STPG2: variants seen among roughly 807,000 people sequenced by gnomAD.
The protein encoded by STPG2 is sperm tail PG-rich repeat containing 2, also known as sperm-tail PG-rich repeat-containing protein 2.
STPG2 carries 56 observed loss-of-function variants against 54.2 expected under a neutral mutation model. The ratio of observed to expected loss-of-function variants is 1.03; its 90% CI spans 0.83 to 1.29. The LOEUF (loss-of-function observed/expected upper bound fraction) is 1.29. Ranked by LOEUF, STPG2 falls within the 50% of genes most tolerant of loss-of-function variation. The pLI is 0.00. For missense variants in STPG2, 596 were observed against 544.9 expected (o/e 1.09, Z -0.93); for synonymous variants, 200 against 181.8 (o/e 1.10, Z -0.81).
At chr4:98,041,371 G>A (rs763711099) in intron 5 of STPG2, among the ~76,000 whole-genome samples, 1 of 151,868 alleles carries the variant, frequency 6.6e-6, no homozygotes, top group Non-Finnish European at 1.5e-5. Flanking sequence ...ATGTTGAATA[G>A]GAGTGGTAAA....
chr4:98,138,099 G>A (rs375752442), intron 1 of STPG2, among the ~76,000 whole-genome samples: 1 of 151,956 alleles, frequency 6.6e-6, no homozygotes, highest in African/African-American at 2.4e-5. Flanking sequence ...GTTTTATTAT[G>A]TATGGGAGAC....
At chr4:97,971,900 C>A (rs1340445876) in intron 7 of STPG2, among the ~76,000 whole-genome samples, 1 of 152,166 alleles carries the variant, frequency 6.6e-6, no homozygotes, top group African/African-American at 2.4e-5. Flanking sequence ...CATTTTAAAA[C>A]CAATTGTCTG....
At chr4:97,486,845 A>ATG (rs1553932791) in intron 4 of STPG2, among the ~76,000 whole-genome samples, 1 of 137,078 alleles carries the variant, frequency 7.3e-6, no homozygotes, top group Non-Finnish European at 1.5e-5. Flanking sequence ...ATATATATAT[A>ATG]TATGTATGTA....
At chr4:97,505,200 C>A (rs1317124703) in intron 4 of STPG2, among the ~76,000 whole-genome samples, 3 of 151,712 alleles carry the variant, frequency 2.0e-5, no homozygotes, top group Admixed American at 2.0e-4. Context: ...TCATTTTTTT[C>A]TTTTGTCTTT....
intron 5 of STPG2, among the ~76,000 whole-genome samples, chr4:98,022,865 C>T (rs1392045090): frequency 6.6e-6 from 1 of 152,184 alleles, no homozygotes; most frequent in Admixed American, 6.5e-5. Context: ...GCTTTCAGCT[C>T]CATCAGCTCC....
At chr4:97,578,721 A>C (rs1224929340) in intron 10 of STPG2, among the ~76,000 whole-genome samples, 1 of 152,106 alleles carries the variant, frequency 6.6e-6, no homozygotes, top group Admixed American at 6.6e-5. Flanking sequence ...AATTTTCAAC[A>C]ATGGTTTAAA....
At chr4:97,728,815 C>G (rs1598538) in intron 9 of STPG2, among the ~76,000 whole-genome samples, 127,545 of 152,026 alleles carry the variant, frequency 0.84, 53,673 homozygotes, top group Middle Eastern at 0.95. Flanking sequence ...AAAGTACAAA[C>G]AAGCAAAGAA....
chr4:97,876,076 C>T (rs1367206294), intron 8 of STPG2, among the ~76,000 whole-genome samples: 6 of 152,008 alleles, frequency 3.9e-5, no homozygotes, highest in Non-Finnish European at 8.8e-5. Context: ...TGTGGCAAGA[C>T]ATCAGAATAA....
chr4:97,616,092 A>ATATG (rs1553942953), intron 10 of STPG2, among the ~76,000 whole-genome samples: 2,745 of 62,228 alleles, frequency 0.044, 165 homozygotes, highest in South Asian at 0.064. Flanking sequence ...ATATATATAT[A>ATATG]TATGTATGTA....
At position 97,809,291 on chromosome 4, in the gene STPG2, G is replaced by A. The variant is rs188959933; in HGVS notation, c.1204+31482C>T. ...ATGGATAATGGTGACAGAGAGAGCA[G>A]CACGTTTTAACTAAAACTGAGTAAA... On this transcript the variant is annotated intron_variant, in intron 9 of 10. Coordinates refer to ENST00000295268, the MANE Select transcript of STPG2 (RefSeq NM_174952.3). Among the ~76,000 whole-genome samples, 6 of 152,278 alleles carry A rather than the reference G, an allele frequency of 3.9e-5. No homozygotes were observed. In the East Asian group the frequency reaches 1.2e-3, roughly 29 times the overall value.
chr4:97,842,803 TC>T (rs1420650296), intron 8 of STPG2, among the ~76,000 whole-genome samples: 1 of 151,884 alleles, frequency 6.6e-6, no homozygotes, highest in Non-Finnish European at 1.5e-5. Flanking sequence ...CTACCCTTGT[TC>T]ATGACCACCT....
At chr4:97,723,112 G>A (rs944874730) in intron 9 of STPG2, among the ~76,000 whole-genome samples, 3 of 151,634 alleles carry the variant, frequency 2.0e-5, no homozygotes, top group Admixed American at 2.0e-4. Flanking sequence ...GCGCCCGGCC[G>A]AGTCCCTGCC....
chr4:98,010,851 C>T (rs983749777), intron 5 of STPG2, among the ~76,000 whole-genome samples: 4 of 152,054 alleles, frequency 2.6e-5, no homozygotes, highest in Non-Finnish European at 5.9e-5. Flanking sequence ...GAAGTTATAA[C>T]AGTTTATTTT....
chr4:97,564,979 C>T (rs1330538018), intron 10 of STPG2, among the ~76,000 whole-genome samples: 1 of 152,142 alleles, frequency 6.6e-6, no homozygotes, highest in African/African-American at 2.4e-5. Context: ...GAATGTTAGC[C>T]TGCCTTGCTA....
chr4:97,838,457 T>C (rs766174965), intron 9 of STPG2, among the ~76,000 whole-genome samples: 3 of 151,072 alleles, frequency 2.0e-5, no homozygotes, highest in Non-Finnish European at 4.4e-5. Flanking sequence ...ATTTTCATTT[T>C]AAAGCAAAAA....
chr4:97,798,176 A>G (rs1003693474), intron 9 of STPG2, among the ~76,000 whole-genome samples: 3 of 151,940 alleles, frequency 2.0e-5, no homozygotes, highest in Non-Finnish European at 4.4e-5. Context: ...TTGTGTCTCT[A>G]TCTCTTTCAG....
At chr4:97,452,903 T>C (rs556557509) in intron 4 of STPG2, among the ~76,000 whole-genome samples, 41 of 152,332 alleles carry the variant, frequency 2.7e-4, no homozygotes, top group African/African-American at 9.1e-4. Context: ...GCAAGCGTTC[T>C]ATTGCTCAAT....
At chr4:97,619,127 G>A (rs994351363) in intron 10 of STPG2, among the ~76,000 whole-genome samples, 2 of 152,054 alleles carry the variant, frequency 1.3e-5, no homozygotes, top group African/African-American at 2.4e-5. Flanking sequence ...AAAACAGTAA[G>A]TGCTGAAGAT....
chr4:98,028,801 T>C (rs1431627871), intron 5 of STPG2, among the ~76,000 whole-genome samples: 1 of 152,112 alleles, frequency 6.6e-6, no homozygotes, highest in African/African-American at 2.4e-5. Flanking sequence ...TTTACATCTT[T>C]CTTCTTTTCT....
Sources: gnomAD v4.1 joint callset for allele counts (sites outside exome capture counted in the v4.1 genomes callset) on GRCh38, gnomAD v4.1.1 for gene constraint, MANE v1.5 for transcripts, NCBI Gene and HGNC (gene_info 2026-07-23, HGNC 2026-07-21) for gene names.